The following ARHGEF10 variants were observed in gnomAD, a reference collection of about 807,000 sequenced individuals.
The protein encoded by ARHGEF10 is Rho guanine nucleotide exchange factor 10, also known as Rho guanine nucleotide exchange factor (GEF) 10.
In ARHGEF10, 140 loss-of-function variants were observed where a neutral mutation model predicts 147.4. The observed-to-expected ratio is 0.95, with a 90% CI of 0.83 to 1.09. The LOEUF is 1.09. ARHGEF10 is among the 50% of genes least tolerant of loss of function. The pLI, the probability that ARHGEF10 is intolerant of heterozygous loss-of-function variation, is 0.00. For synonymous variants in ARHGEF10, 902 were observed against 695.8 expected, an observed-to-expected ratio of 1.30 and a Z score of -4.67; for missense variants, 2,222 against 1,752.7, an observed-to-expected ratio of 1.27 and a Z score of -4.78.
intron 11 of ARHGEF10, among the ~76,000 whole-genome samples, chr8:1,886,525 C>G (rs1184378146): frequency 2.6e-5 from 4 of 152,202 alleles, no homozygotes; most frequent in Non-Finnish European, 5.9e-5. Flanking sequence ...TCATAATTGA[C>G]CAGGCTGAAA....
intron 2 of ARHGEF10, among the ~76,000 whole-genome samples, chr8:1,857,635 G>A (rs777972944): frequency 7.9e-5 from 12 of 151,896 alleles, no homozygotes; most frequent in Non-Finnish European, 1.8e-4. Context: ...GGCCAGGCTG[G>A]TCTCAAGCTT....
intron 2 of ARHGEF10, among the ~76,000 whole-genome samples, chr8:1,854,985 G>T (rs138253283): frequency 1.3e-5 from 2 of 152,138 alleles, no homozygotes; most frequent in African/African-American, 4.8e-5. Context: ...AGGAGGTGGC[G>T]TATGGGGAGG....
At chr8:1,919,386 T>C (rs1248144351) in intron 18 of ARHGEF10, among the ~76,000 whole-genome samples, 1 of 147,738 alleles carries the variant, frequency 6.8e-6, no homozygotes, top group Non-Finnish European at 1.5e-5. Context: ...CTCTGGGTGA[T>C]GGAGCTGTTC....
intron 7 of ARHGEF10, among the ~76,000 whole-genome samples, chr8:1,875,225 G>T (rs190157641): frequency 2.9e-3 from 420 of 146,958 alleles, no homozygotes; most frequent in Non-Finnish European, 5.2e-3. Context: ...AAGACAGTCT[G>T]GTGGGAGAGT....
intron 11 of ARHGEF10, among the ~76,000 whole-genome samples, chr8:1,890,636 G>C (rs1585419863): frequency 6.6e-6 from 1 of 151,048 alleles, no homozygotes; most frequent in Non-Finnish European, 1.5e-5. Context: ...ACTGAGTGCA[G>C]TGAGGGTTGT....
chr8:1,840,063 T>C lies in ARHGEF10; in HGVS notation c.-47-3290T>C, dbSNP rs1416778526. Among the ~76,000 whole-genome samples the C allele has an allele frequency of 1.2e-3, 148 of 127,392 alleles. 6 individuals are homozygous for C. The highest frequency in any genetic ancestry group is 7.1e-3 in the South Asian group (25 of 3,514). The allele number at this position is 127,392 out of a possible 152,430, so 83.6% of individuals were successfully genotyped here. On this transcript the variant is annotated intron_variant, in intron 1 of 28. Transcript: ENST00000349830. ...GAAGCTGTCCGATATGGGGACTGTC[T>C]GGTGTGGAAGCTGTCTGGTGTGGGG...
intron 1 of ARHGEF10, among the ~76,000 whole-genome samples, chr8:1,833,559 C>A (rs377625459): frequency 6.6e-6 from 1 of 152,208 alleles, no homozygotes; most frequent in Admixed American, 6.5e-5. Context: ...TCTGGCTCTT[C>A]TTTGGCGCCC....
chr8:1,888,179 G>GGAGTGA lies in ARHGEF10; in HGVS notation c.1182+2473_1182+2474insAGTGAG, dbSNP rs1563233752. Among the ~76,000 whole-genome samples the GGAGTGA allele has an allele frequency of 2.3e-4, 15 of 66,486 alleles. 3 individuals are homozygous for GGAGTGA. The South Asian group carries it at 4.9e-3, about 22-fold the overall frequency. 43.6% of individuals were successfully genotyped at this position (66,486 alleles called of 152,430 possible). A position where few individuals can be genotyped will look rare whatever the true frequency, so the allele number is the denominator to read the frequency against. On this transcript the variant is annotated intron_variant, in intron 11 of 28. Transcript: ENST00000349830. The stretch of plus-strand genomic sequence containing the variant: ...CGAGGGTTGCGAGGAGACAGTGAGT[G>GGAGTGA]GGGTGAGGGTTTGCGAGGAGACACT...
chr8:1,905,842 C>G, intron 17 of ARHGEF10, 126 bp downstream of exon 17: 1 of 1,225,356 alleles, frequency 8.2e-7, no homozygotes, highest in South Asian at 1.2e-5. Context: ...AAAGCTCTGT[C>G]CTGTGACTAA....
Position 1,833,507 on chromosome 8 carries a change from G to A in ARHGEF10, c.-48+9394G>A, listed in dbSNP as rs542229691. Among the ~76,000 whole-genome samples, 278 of 152,280 alleles carry A rather than the reference G, an allele frequency of 1.8e-3. 2 individuals carry two copies. Among genetic ancestry groups the A allele is most frequent in the African/African-American group, 6.5e-3 (271 of 41,534 alleles). ...AGGCTACAGCCCGGGGCCTTCAGCC[G>A]CTGCCACTGCATCCGCCCCAAGCAC... On this transcript the variant is annotated intron_variant, in intron 1 of 28. Transcript: ENST00000349830.
chr8:1,909,218 G>C (rs1182205316), intron 17 of ARHGEF10, 77 bp from the exon 18 acceptor site: 4 of 1,593,460 alleles, frequency 2.5e-6, no homozygotes, highest in Non-Finnish European at 3.4e-6. Flanking sequence ...TTTCTCACTT[G>C]AACATCTGAG....
intron 18 of ARHGEF10, among the ~76,000 whole-genome samples, chr8:1,917,857 C>G (rs1311421710): frequency 2.6e-5 from 4 of 152,128 alleles, no homozygotes; most frequent in Non-Finnish European, 4.4e-5. Flanking sequence ...TCACTGCAAC[C>G]TCCACCTCCT....
At chr8:1,917,716 G>T (rs956557079) in intron 18 of ARHGEF10, among the ~76,000 whole-genome samples, 1 of 152,162 alleles carries the variant, frequency 6.6e-6, no homozygotes, top group African/African-American at 2.4e-5. Flanking sequence ...CAGCTAGAGG[G>T]CTGGAAGTCA....
At chr8:1,929,891 T>C (rs1168757015) in intron 25 of ARHGEF10, among the ~76,000 whole-genome samples, 1 of 152,126 alleles carries the variant, frequency 6.6e-6, no homozygotes, top group Non-Finnish European at 1.5e-5. Context: ...AAGGACTCCA[T>C]TGTGTTCTGC....
chr8:1,954,472 T>TA (rs34310341), intron 28 of ARHGEF10, among the ~76,000 whole-genome samples: 72,743 of 149,446 alleles, frequency 0.49, 17,660 homozygotes, highest in Admixed American at 0.57. Flanking sequence ...ATTCCAACAT[T>TA]AAAAAAAAAA....
intron 18 of ARHGEF10, among the ~76,000 whole-genome samples, chr8:1,910,219 A>G (rs907028692): frequency 6.6e-6 from 1 of 152,248 alleles, no homozygotes; most frequent in Admixed American, 6.5e-5. Context: ...TAGGTTAAAT[A>G]TGCATGAATT....
At chr8:1,852,438 C>T (rs1805220977) in intron 2 of ARHGEF10, among the ~76,000 whole-genome samples, 1 of 7,708 alleles carries the variant, frequency 1.3e-4, no homozygotes, top group Non-Finnish European at 2.3e-4. Flanking sequence ...GGAGCAGCAC[C>T]GTTTCTGTCC....
intron 1 of ARHGEF10, 67 bp from the exon 2 acceptor site, chr8:1,843,286 C>A (rs144629822): frequency 7.9e-7 from 1 of 1,264,844 alleles, no homozygotes; most frequent in Non-Finnish European, 1.1e-6. Context: ...CTGTCGACAG[C>A]CCTACACCTA....
intron 1 of ARHGEF10, among the ~76,000 whole-genome samples, chr8:1,827,003 G>A (rs1389106368): frequency 3.3e-5 from 5 of 152,224 alleles, no homozygotes; most frequent in Admixed American, 6.5e-5. Flanking sequence ...GCCAGGCCCA[G>A]GGGCTGCCAA....
Sources: gnomAD v4.1 joint callset for allele counts (sites outside exome capture counted in the v4.1 genomes callset) on GRCh38, gnomAD v4.1.1 for gene constraint, MANE v1.5 for transcripts, NCBI Gene and HGNC (gene_info 2026-07-23, HGNC 2026-07-21) for gene names.